Variants in ADAM10 observed in about 807,000 individuals in gnomAD.
The protein encoded by ADAM10 is disintegrin and metalloproteinase domain-containing protein 10.
A neutral mutation model predicts 90.1 loss-of-function variants in ADAM10; 17 were observed. The observed-to-expected ratio is 0.19, with a 90% CI of 0.13 to 0.28. ADAM10 has a LOEUF of 0.28. ADAM10 is among the 10% of genes least tolerant of loss of function. The pLI is 1.00. For synonymous variants in ADAM10, 310 were observed against 298.6 expected (o/e 1.04, Z -0.40); for missense variants, 610 against 914.3 (o/e 0.67, Z 4.29).
chr15:58,621,450 T>C (rs1242705374), intron 11 of ADAM10, 21 bp downstream of exon 11: 2 of 1,613,934 alleles, frequency 1.2e-6, no homozygotes, highest in Non-Finnish European at 1.7e-6. Context: ...AATGTTAACA[T>C]CACTGAAATT....
chr15:58,715,745 C>T (rs763124994), intron 2 of ADAM10, among the ~76,000 whole-genome samples: 4 of 152,194 alleles, frequency 2.6e-5, no homozygotes, highest in Non-Finnish European at 5.9e-5. Context: ...TCCCTGCTCT[C>T]TCTCACTCAC....
At chr15:58,698,709 A>T (rs983130752) in intron 2 of ADAM10, among the ~76,000 whole-genome samples, 6 of 152,196 alleles carry the variant, frequency 3.9e-5, no homozygotes. Context: ...AGCAAAAGAA[A>T]GAATTTCACA....
At position 58,597,281 on chromosome 15, in the gene ADAM10, A is replaced by C; in HGVS notation, c.*266T>G. Reference sequence around the variant, plus strand: ...GAACAGGGAACACGGGGCACATAATAATATTCTAAGACTTTGTGCCATTAA... The same window carrying C: ...GAACAGGGAACACGGGGCACATAATCATATTCTAAGACTTTGTGCCATTAA... On this transcript the variant is annotated 3_prime_UTR_variant, in exon 16 of 16. Coordinates refer to ENST00000260408, the MANE Select transcript of ADAM10 (RefSeq NM_001110.4). 1 of 1,164,732 alleles carries C rather than the reference A, an allele frequency of 8.6e-7. No individual in the cohort carries two copies. Among genetic ancestry groups the C allele is most frequent in the Non-Finnish European group, 1.2e-6 (1 of 841,398 alleles). The allele number at this position is 1,164,732 out of a possible 1,614,324, so 72.1% of individuals were successfully genotyped here.
In ADAM10 at chr15:58,641,807, G is replaced by A. The variant is rs75925992; in HGVS notation, c.829-847C>T. On this transcript the variant is annotated intron_variant, in intron 7 of 15. Transcript: ENST00000260408. Reference sequence around the variant, plus strand: ...CAATATGAAAGTAAATGTTTTTACCGAAAGGCAAACCTCAGTCTGTTTGAA... The same window carrying A: ...CAATATGAAAGTAAATGTTTTTACCAAAAGGCAAACCTCAGTCTGTTTGAA... 2.6e-3 allele frequency among the ~76,000 whole-genome samples: 401 copies of A among 152,232 alleles called. 2 individuals are homozygous for A. Among genetic ancestry groups the A allele is most frequent in the African/African-American group, 9.4e-3 (389 of 41,548 alleles).
chr15:58,709,693 T>C (rs1354533519), intron 2 of ADAM10, among the ~76,000 whole-genome samples: 1 of 151,760 alleles, frequency 6.6e-6, no homozygotes, highest in African/African-American at 2.4e-5. Flanking sequence ...TGAGACAAGA[T>C]TGCACCACTG....
At chr15:58,671,219 A>C (rs1720613437) in intron 4 of ADAM10, among the ~76,000 whole-genome samples, 1 of 152,194 alleles carries the variant, frequency 6.6e-6, no homozygotes, top group African/African-American at 2.4e-5. Flanking sequence ...AGAAGCTAAA[A>C]CCAGTAAAAT....
In ADAM10 at chr15:58,597,195, T is replaced by C. The variant is rs1204552574; in HGVS notation, c.*352A>G. The C allele has an allele frequency of 6.6e-6, 4 of 605,650 alleles. No homozygotes were observed. The highest frequency in any genetic ancestry group is 1.1e-5 in the Non-Finnish European group (4 of 355,902). 37.5% of individuals were successfully genotyped at this position (605,650 alleles called of 1,614,324 possible). A position where few individuals can be genotyped will look rare whatever the true frequency, so the allele number is the denominator to read the frequency against. On this transcript the variant is annotated 3_prime_UTR_variant, in exon 16 of 16. Transcript: ENST00000260408. ...TTGAAAAAAATATATTTATTTCAAT[T>C]TGTGGTAAAAGTTTATTGAGAGCCA...
intron 11 of ADAM10, among the ~76,000 whole-genome samples, chr15:58,618,098 G>A (rs1240591623): frequency 1.3e-5 from 2 of 152,052 alleles, no homozygotes; most frequent in East Asian, 1.9e-4. Context: ...AAAGCTGGAG[G>A]CATCACACCA....
intron 4 of ADAM10, among the ~76,000 whole-genome samples, chr15:58,670,115 CAATT>C (rs1182132934): frequency 4.0e-5 from 6 of 151,266 alleles, no homozygotes; most frequent in East Asian, 3.9e-4. Context: ...AATTTTTCCT[CAATT>C]AAGCTGTTAA....
chr15:58,661,346 G>C (rs557444237), intron 5 of ADAM10, among the ~76,000 whole-genome samples: 1 of 151,994 alleles, frequency 6.6e-6, no homozygotes, highest in African/African-American at 2.4e-5. Context: ...AGGTCACCTA[G>C]ACACAAATTC....
chr15:58,731,603 G>C (rs1031002965), intron 1 of ADAM10, among the ~76,000 whole-genome samples: 1 of 152,222 alleles, frequency 6.6e-6, no homozygotes, highest in South Asian at 2.1e-4. Flanking sequence ...ACTCCAGCCT[G>C]AGTGAGAGAG....
At chr15:58,663,762 T>C (rs1433214491) in intron 5 of ADAM10, among the ~76,000 whole-genome samples, 1 of 152,142 alleles carries the variant, frequency 6.6e-6, no homozygotes, top group Non-Finnish European at 1.5e-5. Context: ...TACATAGGTC[T>C]TATAATTCTT....
chr15:58,673,200 A>G (rs1311018969), intron 4 of ADAM10, among the ~76,000 whole-genome samples: 2 of 152,188 alleles, frequency 1.3e-5, no homozygotes, highest in African/African-American at 2.4e-5. Context: ...GGTATTTTCA[A>G]TAACCACTAA....
At chr15:58,633,999 T>A (rs1213881530) in intron 8 of ADAM10, among the ~76,000 whole-genome samples, 1 of 151,508 alleles carries the variant, frequency 6.6e-6, no homozygotes, top group Non-Finnish European at 1.5e-5. Flanking sequence ...AAAAGGTTAA[T>A]AATTGATTAA....
intron 9 of ADAM10, among the ~76,000 whole-genome samples, chr15:58,630,934 C>T (rs943389561): frequency 6.6e-6 from 1 of 152,076 alleles, no homozygotes; most frequent in Non-Finnish European, 1.5e-5. Context: ...GGGGCAGATC[C>T]CTCATCAATA....
intron 1 of ADAM10, among the ~76,000 whole-genome samples, chr15:58,718,830 G>C (rs1322069217): frequency 6.6e-5 from 10 of 152,122 alleles, no homozygotes; most frequent in African/African-American, 2.2e-4. Context: ...TATTCTGTCT[G>C]TGAACTCCAG....
intron 2 of ADAM10, among the ~76,000 whole-genome samples, chr15:58,703,676 C>T (rs1296852743): frequency 6.6e-6 from 1 of 152,144 alleles, no homozygotes; most frequent in Non-Finnish European, 1.5e-5. Context: ...TGTTGAACTG[C>T]AATTCCCAGT....
chr15:58,609,124 CAT>C (rs1320100912), intron 14 of ADAM10: 1 of 152,188 alleles, frequency 6.6e-6, no homozygotes, highest in Admixed American at 6.5e-5. Context: ...GATTCTCAAA[CAT>C]GTGCTCTTTC....
chr15:58,725,355 A>T, intron 1 of ADAM10, among the ~76,000 whole-genome samples: 1 of 146,844 alleles, frequency 6.8e-6, no homozygotes, highest in African/African-American at 2.5e-5. Flanking sequence ...ATATAGCAAG[A>T]CCTTGTCTCT....
Sources: gnomAD v4.1 joint callset for allele counts (sites outside exome capture counted in the v4.1 genomes callset) on GRCh38, gnomAD v4.1.1 for gene constraint, MANE v1.5 for transcripts, NCBI Gene and HGNC (gene_info 2026-07-23, HGNC 2026-07-21) for gene names.